Variants in PTRH2 observed in about 807,000 individuals in gnomAD.
PTRH2 encodes peptidyl-tRNA hydrolase 2, mitochondrial.
A neutral mutation model predicts 12.3 loss-of-function variants in PTRH2; 10 were observed. The ratio of observed to expected loss-of-function variants is 0.81; its 90% CI spans 0.50 to 1.38. The LOEUF is 1.38. Ranked by LOEUF, PTRH2 falls within the 40% of genes most tolerant of loss-of-function variation. PTRH2 has a pLI of 0.00. For missense variants in PTRH2, 176 were observed against 214.1 expected (o/e 0.82, Z 1.11); for synonymous variants, 73 against 77.4 (o/e 0.94, Z 0.30).
intron 1 of PTRH2, among the ~76,000 whole-genome samples, chr17:59,704,644 G>C (rs2033608989): frequency 6.6e-6 from 1 of 152,074 alleles, no homozygotes; most frequent in African/African-American, 2.4e-5. Flanking sequence ...GGAGTAGGAG[G>C]GTCACATAGG....
chr17:59,700,663 G>A (rs938217138), intron 1 of PTRH2: 1 of 152,156 alleles, frequency 6.6e-6, no homozygotes, highest in Non-Finnish European at 1.5e-5. Context: ...AGGCGACACA[G>A]AGGAAAGCAA....
intron 1 of PTRH2, chr17:59,698,243 A>G: frequency 2.1e-6 from 1 of 480,654 alleles, no homozygotes; most frequent in Non-Finnish European, 3.7e-6. Context: ...CAAAAACTCT[A>G]TTCCTCAGTC....
In PTRH2 at chr17:59,697,664, G is replaced by C; in HGVS notation, c.315C>G (p.Leu105=). The change falls in exon 2 of 2, where the codon CTC becomes CTG. Residue 105 remains leucine (L), a synonymous_variant. Transcript: ENST00000393038. ...GCTGGCCACAGTATTCCCATTGTTT[G>C]AGCATTTCAGGATTTCTTCTTTGAA... ...KQIQRRNPEM[L]KQWEYCGQPK... 6.2e-7 allele frequency: 1 copy of C among 1,614,198 alleles called. No homozygotes were observed. The highest frequency in any genetic ancestry group is 8.5e-7 in the Non-Finnish European group (1 of 1,180,034).
chr17:59,700,738 A>G (rs1214408779), intron 1 of PTRH2: 3 of 152,168 alleles, frequency 2.0e-5, no homozygotes, highest in South Asian at 2.1e-4. Context: ...AAGCCAGAAG[A>G]AAGGCAGGTA....
At chr17:59,699,293 C>T in intron 1 of PTRH2, 1 of 176,414 alleles carries the variant, frequency 5.7e-6, no homozygotes, top group Non-Finnish European at 1.2e-5. Context: ...CTTCCACTGC[C>T]TCAACGCCTT....
chr17:59,706,825 C>T (rs1022952615), intron 1 of PTRH2, among the ~76,000 whole-genome samples: 1 of 152,078 alleles, frequency 6.6e-6, no homozygotes, highest in Admixed American at 6.5e-5. Context: ...AGGCACGCGC[C>T]ACCACGCCGG....
intron 1 of PTRH2, among the ~76,000 whole-genome samples, chr17:59,704,507 T>C (rs566350403): frequency 2.1e-4 from 32 of 152,246 alleles, no homozygotes; most frequent in Middle Eastern, 6.8e-3. Flanking sequence ...ACCATATAAT[T>C]GAAGTTACTG....
At chr17:59,698,960 AGGGTCC>A (rs1199312396) in intron 1 of PTRH2, 4 of 705,366 alleles carry the variant, frequency 5.7e-6, no homozygotes, top group African/African-American at 1.8e-5. Context: ...GGGATGCAAC[AGGGTCC>A]TCAATTTCTC....
intron 1 of PTRH2, chr17:59,700,334 G>A (rs892426449): frequency 3.3e-5 from 5 of 152,150 alleles, no homozygotes; most frequent in Admixed American, 2.0e-4. Flanking sequence ...GCTTCTATGT[G>A]GCAAGCAACT....
chr17:59,705,175 G>T (rs1288687311), intron 1 of PTRH2, among the ~76,000 whole-genome samples: 1 of 152,162 alleles, frequency 6.6e-6, no homozygotes, highest in Non-Finnish European at 1.5e-5. Flanking sequence ...TGCAATGTCA[G>T]CAATTAGGAT....
chr17:59,706,889 T>C (rs1358522571), intron 1 of PTRH2, among the ~76,000 whole-genome samples: 2 of 152,044 alleles, frequency 1.3e-5, no homozygotes, highest in Admixed American at 6.5e-5. Flanking sequence ...GCCAGGATGG[T>C]CTCGAACTTC....
intron 1 of PTRH2, among the ~76,000 whole-genome samples, chr17:59,702,037 A>G (rs930539944): frequency 1.3e-5 from 2 of 152,028 alleles, no homozygotes; most frequent in African/African-American, 2.4e-5. Context: ...AATTTCCACA[A>G]TACTTTGACA....
At chr17:59,701,700 T>G (rs202170858) in intron 1 of PTRH2, among the ~76,000 whole-genome samples, 1 of 151,868 alleles carries the variant, frequency 6.6e-6, no homozygotes, top group Admixed American at 6.6e-5. Flanking sequence ...TTTGGGGTTT[T>G]TTTGTTTGTT....
chr17:59,698,978 CTCTT>C, intron 1 of PTRH2: 1 of 694,220 alleles, frequency 1.4e-6, no homozygotes, highest in Non-Finnish European at 2.7e-6. Flanking sequence ...CAATTTCTCT[CTCTT>C]CTGATGAACA....
chr17:59,704,721 CACAG>C (rs1459441840), intron 1 of PTRH2, among the ~76,000 whole-genome samples: 1 of 152,146 alleles, frequency 6.6e-6, no homozygotes, highest in African/African-American at 2.4e-5. Flanking sequence ...GACAGGGCTG[CACAG>C]ACATAGTATT....
intron 1 of PTRH2, among the ~76,000 whole-genome samples, chr17:59,703,122 C>G (rs1567988555): frequency 6.6e-6 from 1 of 152,088 alleles, no homozygotes; most frequent in Non-Finnish European, 1.5e-5. Context: ...TCAAGCAATC[C>G]TCCCACTTCA....
chr17:59,702,918 T>C (rs1311481441), intron 1 of PTRH2, among the ~76,000 whole-genome samples: 1 of 152,206 alleles, frequency 6.6e-6, no homozygotes, highest in Non-Finnish European at 1.5e-5. Flanking sequence ...TTTTGCCCTA[T>C]TGTACGCTAA....
chr17:59,707,220 G>C (rs1299633169), intron 1 of PTRH2, 151 bp downstream of exon 1: 1 of 152,342 alleles, frequency 6.6e-6, no homozygotes, highest in East Asian at 1.9e-4. Flanking sequence ...CAGGAACAGA[G>C]GGCTCAGCGG....
chr17:59,699,131 A>C, intron 1 of PTRH2: 1 of 399,576 alleles, frequency 2.5e-6, no homozygotes, highest in East Asian at 4.1e-5. Context: ...CTCTGTAGCA[A>C]GCAAGAGCAT....
Sources: allele counts gnomAD v4.1 joint callset (sites outside exome capture counted in the v4.1 genomes callset), GRCh38; gene constraint gnomAD v4.1.1; transcripts MANE v1.5; gene names NCBI Gene and HGNC (gene_info 2026-07-23, HGNC 2026-07-21).